Variants in CIT observed in about 807,000 individuals in gnomAD.
CIT encodes citron Rho-interacting kinase.
In CIT, 79 loss-of-function variants were observed where a neutral mutation model predicts 272.7. That is an observed-to-expected ratio of 0.29 (90% CI 0.24 to 0.35). The LOEUF (loss-of-function observed/expected upper bound fraction) is 0.35. Ranked by LOEUF, CIT falls within the 10% of genes least tolerant of loss-of-function variation. The probability of loss-of-function intolerance (pLI) is 1.00; values close to 1 mark genes in which losing one functional copy is unlikely to be tolerated. For missense variants in CIT, 1,909 were observed against 2,618.3 expected, an observed-to-expected ratio of 0.73 and a Z score of 5.91; for synonymous variants, 948 against 995.6, an observed-to-expected ratio of 0.95 and a Z score of 0.90.
At chr12:119,769,202 T>G (rs997136574) in intron 18 of CIT, among the ~76,000 whole-genome samples, 2 of 152,164 alleles carry the variant, frequency 1.3e-5, no homozygotes, top group African/African-American at 2.4e-5. Context: ...TCTGGTCTAT[T>G]TGTGAATGGG....
rs200991020 is a variant in CIT, at chr12:119,804,518, C to CA, written c.1112-1130_1112-1129insT. ...ACAGAGCAGCATGAGTCACTGCCCG[C>CA]CAGGGCTCGCTAGAGCTCCCCCTAG... On this transcript the variant is annotated intron_variant, in intron 9 of 47. Coordinates refer to ENST00000392521, the MANE Select transcript of CIT (RefSeq NM_001206999.2). This position sits in a 1 kb window ranked among gnomAD's most constrained non-coding sequence, Gnocchi z 5.3. 55,445 of 982,936 alleles carry CA rather than the reference C, an allele frequency of 0.056. 1,740 individuals are homozygous for CA. Among genetic ancestry groups the CA allele is most frequent in the Admixed American group, 0.11 (1,850 of 16,276 alleles). The allele number at this position is 982,936 out of a possible 1,614,324, so 60.9% of individuals were successfully genotyped here. A position where few individuals can be genotyped will look rare whatever the true frequency, so the allele number is the denominator to read the frequency against.
chr12:119,850,480 G>A (rs938064244), intron 4 of CIT, among the ~76,000 whole-genome samples: 1 of 149,266 alleles, frequency 6.7e-6, no homozygotes, highest in Non-Finnish European at 1.5e-5. Flanking sequence ...GGAAAGGGAA[G>A]GAAAGGGAAG....
intron 28 of CIT, among the ~76,000 whole-genome samples, chr12:119,725,981 G>A (rs1194614372): frequency 6.6e-6 from 1 of 151,278 alleles, no homozygotes; most frequent in Admixed American, 6.6e-5. Context: ...AGGCCACGGG[G>A]TGAATTCCTA....
intron 9 of CIT, among the ~76,000 whole-genome samples, chr12:119,808,484 T>C (rs1327000213): frequency 2.0e-5 from 3 of 151,966 alleles, no homozygotes; most frequent in East Asian, 3.9e-4. Context: ...GGAAATGATA[T>C]GCTTCAGAGT....
At chr12:119,815,389 C>A (rs571683380) in intron 9 of CIT, among the ~76,000 whole-genome samples, 1 of 151,878 alleles carries the variant, frequency 6.6e-6, no homozygotes, top group African/African-American at 2.4e-5. Context: ...TTCAATGATG[C>A]GGGAAAATAA....
intron 4 of CIT, among the ~76,000 whole-genome samples, chr12:119,852,872 AT>A (rs977509790): frequency 6.6e-6 from 1 of 152,022 alleles, no homozygotes; most frequent in Non-Finnish European, 1.5e-5. Context: ...GTGTGTATAT[AT>A]ATTCTATGTA....
chr12:119,720,690 T>A, intron 29 of CIT, 105 bp from the exon 30 acceptor site: 1 of 739,224 alleles, frequency 1.4e-6, no homozygotes, highest in Admixed American at 3.1e-5. Flanking sequence ...CACTAATATA[T>A]GAAAATCCAA....
rs1170505495 is a variant in CIT, at chr12:119,697,526, C to T, written c.5882+133G>A. 34 of 985,412 alleles carry T rather than the reference C, an allele frequency of 3.5e-5. No homozygotes were observed. In the East Asian group the frequency reaches 8.1e-4, roughly 24 times the overall value. 61.0% of individuals were successfully genotyped at this position (985,412 alleles called of 1,614,324 possible). A position where few individuals can be genotyped will look rare whatever the true frequency, so the allele number is the denominator to read the frequency against. ...TGTGTTATTTCAGTGCCGCAGATCG[C>T]AAACAAATGAATGGTTTGAGCTTAA... On this transcript the variant is annotated intron_variant, in intron 46 of 47. Coordinates refer to ENST00000392521, the MANE Select transcript of CIT (RefSeq NM_001206999.2). This position sits in a 1 kb window ranked among gnomAD's most constrained non-coding sequence, Gnocchi z 4.9.
intron 5 of CIT, among the ~76,000 whole-genome samples, chr12:119,842,312 C>A (rs1306202166): frequency 6.7e-6 from 1 of 148,842 alleles, no homozygotes; most frequent in Non-Finnish European, 1.5e-5. Flanking sequence ...TCAATTGAAC[C>A]CAGGAGGTAG....
At position 119,863,071 on chromosome 12, in the gene CIT, G is replaced by A. The variant is rs1396658914; in HGVS notation, c.239-5373C>T. On this transcript the variant is annotated intron_variant, in intron 3 of 47. Transcript: ENST00000392521. ...ACAAAAATTAGCCTGGCATGGTGGTGCGCACCTGTAGTCCCAGCTACTCAG... is the reference window on the plus strand; with the variant it reads ...ACAAAAATTAGCCTGGCATGGTGGTACGCACCTGTAGTCCCAGCTACTCAG... Among the ~76,000 whole-genome samples the A allele has an allele frequency of 2.1e-5, 3 of 146,152 alleles. No individual in the cohort carries two copies. The East Asian group carries it at 6.3e-4, about 31-fold the overall frequency.
chr12:119,768,647 G>C lies in CIT; in HGVS notation c.2209-1465C>G, dbSNP rs1186295967. 1.1e-4 allele frequency among the ~76,000 whole-genome samples: 16 copies of C among 152,196 alleles called. No homozygotes were observed. The highest frequency in any genetic ancestry group is 1.0e-3 in the Admixed American group (16 of 15,282). On this transcript the variant is annotated intron_variant, in intron 18 of 47. Coordinates refer to ENST00000392521, the MANE Select transcript of CIT (RefSeq NM_001206999.2). This position sits in a 1 kb window ranked among gnomAD's most constrained non-coding sequence, Gnocchi z 4.3. ...TAAGACCAGGTGCACAAGATCTACT[G>C]CAATTCAATAGATGTGATCTTGAAG...
intron 23 of CIT, among the ~76,000 whole-genome samples, chr12:119,746,525 A>G (rs1387597068): frequency 6.6e-6 from 1 of 152,230 alleles, no homozygotes; most frequent in Non-Finnish European, 1.5e-5. Context: ...GTGACCATAA[A>G]AAAGCTCACT....
Position 119,773,525 on chromosome 12 carries a change from G to A in CIT, c.1942-615C>T, listed in dbSNP as rs181315137. Among the ~76,000 whole-genome samples, 172 of 152,028 alleles carry A rather than the reference G, an allele frequency of 1.1e-3. 3 individuals carry two copies. Among genetic ancestry groups the A allele is most frequent in the Middle Eastern group, 0.01 (3 of 294 alleles). On this transcript the variant is annotated intron_variant, in intron 16 of 47. Transcript: ENST00000392521. Reference sequence around the variant, plus strand: ...TCAGCTCACTGCAACCTCCACCTCCGGAGGTTCAAGTGATTCTCCTGCCTC... The same window carrying A: ...TCAGCTCACTGCAACCTCCACCTCCAGAGGTTCAAGTGATTCTCCTGCCTC...
At chr12:119,772,671 T>A (rs1963299497) in intron 17 of CIT, 99 bp downstream of exon 17, 1 of 1,323,184 alleles carries the variant, frequency 7.6e-7, no homozygotes, top group South Asian at 1.8e-5. Flanking sequence ...GAAAGCAGCT[T>A]TGGTCAAACA....
At chr12:119,862,808 T>TAAAAAAAAAAAAAAAAAAAA (rs1157467178) in intron 3 of CIT, among the ~76,000 whole-genome samples, 5 of 10,252 alleles carry the variant, frequency 4.9e-4, no homozygotes, top group Non-Finnish European at 7.5e-4. Flanking sequence ...AGACTCTACC[T>TAAAAAAAAAAAAAAAAAAAA]AAAAAAAAAA....
chr12:119,741,427 T>A (rs564533143), intron 24 of CIT, among the ~76,000 whole-genome samples: 49 of 152,358 alleles, frequency 3.2e-4, no homozygotes, highest in Non-Finnish European at 6.5e-4. Flanking sequence ...GTTACCCAGT[T>A]GTCTATCTGT....
At position 119,690,403 on chromosome 12, in the gene CIT, G is replaced by A. The variant is rs767249465; in HGVS notation, c.5934C>T (p.Arg1978=). Residue 1978 remains arginine, a synonymous_variant, in exon 47 of 48, where the codon CGC becomes CGT. Transcript: ENST00000392521. This position sits in a 1 kb window ranked among gnomAD's most constrained non-coding sequence, Gnocchi z 6.0. ...PPTYNEHITK[R]VASSPAPPEG... ...CGGGCGGCGCTGGGCTGGAGGCCAC[G>A]CGCTTGGTGATGTGCTCGTTGTACG... 18 of 1,596,452 alleles carry A rather than the reference G, an allele frequency of 1.1e-5. No individual in the cohort carries two copies. Among genetic ancestry groups the A allele is most frequent in the Middle Eastern group, 1.7e-4 (1 of 6,044 alleles).
chr12:119,737,736 C>T (rs1958854705), intron 24 of CIT, among the ~76,000 whole-genome samples: 1 of 152,142 alleles, frequency 6.6e-6, no homozygotes, highest in African/African-American at 2.4e-5. Context: ...CTATTTTGCC[C>T]ATTTGACAAG....
intron 10 of CIT, among the ~76,000 whole-genome samples, chr12:119,788,614 T>C (rs1471005094): frequency 6.6e-6 from 1 of 152,190 alleles, no homozygotes. Flanking sequence ...TAGGGCTTCC[T>C]GTTTAAAGTG....
Sources: gnomAD v4.1 joint callset for allele counts (sites outside exome capture counted in the v4.1 genomes callset) on GRCh38, gnomAD v4.1.1 for gene constraint, Gnocchi (gnomAD v3.1) non-coding constraint, MANE v1.5 for transcripts, NCBI Gene and HGNC (gene_info 2026-07-23, HGNC 2026-07-21) for gene names.